FOXP1: variants seen among roughly 807,000 people sequenced by gnomAD.
FOXP1 encodes forkhead box P1, also known as forkhead box protein P1.
A neutral mutation model predicts 98.2 loss-of-function variants in FOXP1; 15 were observed. The ratio of observed to expected loss-of-function variants is 0.15; its 90% CI spans 0.10 to 0.24. FOXP1 has a LOEUF of 0.24. Among genes scored for constraint, FOXP1 ranks in the 10% least tolerant of loss-of-function variants. The pLI is 1.00. For synonymous variants in FOXP1, 371 were observed against 314.5 expected, an observed-to-expected ratio of 1.18 and a Z score of -1.90; for missense variants, 633 against 848.5, an observed-to-expected ratio of 0.75 and a Z score of 3.15.
intron 7 of FOXP1, among the ~76,000 whole-genome samples, chr3:71,108,759 C>T (rs940550157): frequency 2.5e-4 from 38 of 151,708 alleles, no homozygotes; most frequent in African/African-American, 9.0e-4. Flanking sequence ...AGCAAGACTC[C>T]ATCTCAAAAA....
chr3:71,323,965 A>G (rs2075539364), intron 4 of FOXP1, among the ~76,000 whole-genome samples: 1 of 152,136 alleles, frequency 6.6e-6, no homozygotes, highest in Non-Finnish European at 1.5e-5. Context: ...CTAATTAGTA[A>G]AAGGACAGGG....
chr3:71,303,444 C>T (rs2074016758), intron 4 of FOXP1, among the ~76,000 whole-genome samples: 1 of 152,108 alleles, frequency 6.6e-6, no homozygotes, highest in Non-Finnish European at 1.5e-5. Context: ...TCCCATACCC[C>T]CAAATCCTCC....
At chr3:71,370,343 G>C (rs779711280) in intron 3 of FOXP1, among the ~76,000 whole-genome samples, 39 of 152,202 alleles carry the variant, frequency 2.6e-4, no homozygotes, top group Admixed American at 2.4e-3. Flanking sequence ...GGAGAAAGGA[G>C]TGAGTTATTC....
intron 3 of FOXP1, among the ~76,000 whole-genome samples, chr3:71,379,413 A>G (rs1425257075): frequency 6.6e-6 from 1 of 152,156 alleles, no homozygotes; most frequent in Non-Finnish European, 1.5e-5. Flanking sequence ...TGCCTAACAC[A>G]TGTTAAAGTC....
chr3:71,424,888 G>T (rs1256726801), intron 3 of FOXP1, among the ~76,000 whole-genome samples: 1 of 152,124 alleles, frequency 6.6e-6, no homozygotes, highest in African/African-American at 2.4e-5. Flanking sequence ...GTGGGAGGAA[G>T]TCACAAGCCA....
chr3:71,540,501 TAATC>T (rs1285961697), intron 2 of FOXP1, among the ~76,000 whole-genome samples: 2 of 152,344 alleles, frequency 1.3e-5, no homozygotes, highest in Admixed American at 6.5e-5. Context: ...GGGTAACAGA[TAATC>T]AATTAAAATA....
At chr3:71,398,541 A>G (rs1054850441) in intron 3 of FOXP1, among the ~76,000 whole-genome samples, 66 of 152,318 alleles carry the variant, frequency 4.3e-4, no homozygotes, top group Non-Finnish European at 2.2e-4. Context: ...ACAATAAAAC[A>G]TGTGGCTCAT....
chr3:71,157,907 T>C (rs1459992558), intron 6 of FOXP1, among the ~76,000 whole-genome samples: 1 of 151,548 alleles, frequency 6.6e-6, no homozygotes, highest in East Asian at 2.0e-4. Flanking sequence ...GCCAACATGG[T>C]GAAACCTCAT....
At chr3:71,210,154 G>A (rs2064344656) in intron 5 of FOXP1, among the ~76,000 whole-genome samples, 1 of 152,212 alleles carries the variant, frequency 6.6e-6, no homozygotes, top group Non-Finnish European at 1.5e-5. Flanking sequence ...CAAAAATTGT[G>A]TTGGTCTGCC....
chr3:71,059,721 C>T (rs1331000351), intron 7 of FOXP1, among the ~76,000 whole-genome samples: 2 of 152,062 alleles, frequency 1.3e-5, no homozygotes, highest in Non-Finnish European at 2.9e-5. Flanking sequence ...ATATTAACAA[C>T]AACAACAAAA....
chr3:71,348,926 C>A (rs182458834), intron 4 of FOXP1, among the ~76,000 whole-genome samples: 8 of 152,120 alleles, frequency 5.3e-5, no homozygotes, highest in Non-Finnish European at 1.5e-5. Flanking sequence ...GACAAGAGAC[C>A]GGACTACAGA....
chr3:71,064,174 T>C (rs1367818517), intron 7 of FOXP1, among the ~76,000 whole-genome samples: 1 of 152,158 alleles, frequency 6.6e-6, no homozygotes, highest in African/African-American at 2.4e-5. Flanking sequence ...CCTGCTCCGG[T>C]GTGGGGCTCT....
At chr3:71,369,185 C>T (rs760387971) in intron 3 of FOXP1, among the ~76,000 whole-genome samples, 6 of 151,878 alleles carry the variant, frequency 4.0e-5, no homozygotes, top group Admixed American at 1.3e-4. Context: ...GTCAGGCGTT[C>T]GAGACCAGCC....
Position 71,123,127 on chromosome 3 carries a change from C to T in FOXP1, c.181-10490G>A, listed in dbSNP as rs557012514. 3.3e-5 allele frequency among the ~76,000 whole-genome samples: 5 copies of T among 152,276 alleles called. No individual in the cohort carries two copies. In the East Asian group the frequency reaches 9.6e-4, roughly 29 times the overall value. On this transcript the variant is annotated intron_variant, in intron 6 of 20. Coordinates refer to ENST00000649528, the MANE Select transcript of FOXP1 (RefSeq NM_001349338.3). The stretch of plus-strand genomic sequence containing the variant: ...CTGTTCTCTGCCCACATTTACATGG[C>T]ATCCAAGTATCTTCTTTCATCTAAA...
intron 3 of FOXP1, among the ~76,000 whole-genome samples, chr3:71,492,009 C>G (rs181871497): frequency 2.0e-5 from 3 of 152,058 alleles, no homozygotes; most frequent in Non-Finnish European, 1.5e-5. Context: ...ATGGTCCAGC[C>G]CAGACCAACC....
chr3:71,487,079 T>C (rs2090709784), intron 3 of FOXP1, among the ~76,000 whole-genome samples: 1 of 152,098 alleles, frequency 6.6e-6, no homozygotes, highest in Non-Finnish European at 1.5e-5. Flanking sequence ...TTCCTTGCTA[T>C]GTTAGAGCCT....
chr3:71,311,333 T>C (rs1232739099), intron 4 of FOXP1, among the ~76,000 whole-genome samples: 3 of 152,196 alleles, frequency 2.0e-5, no homozygotes, highest in African/African-American at 4.8e-5. Context: ...CAAGTGATCA[T>C]CCTGCCTTTG....
At chr3:71,001,106 AG>A (rs2042070338) in intron 12 of FOXP1, 47 bp from the exon 13 acceptor site, 1 of 1,437,354 alleles carries the variant, frequency 7.0e-7, no homozygotes, top group Non-Finnish European at 9.8e-7. Context: ...AGAAACAAAA[AG>A]GAAAATATAA....
At chr3:71,345,870 G>GTA (rs1170907365) in intron 4 of FOXP1, among the ~76,000 whole-genome samples, 305 of 9,038 alleles carry the variant, frequency 0.034, 4 homozygotes, top group African/African-American at 0.06. Context: ...TAAAGTTTTT[G>GTA]TAAAAAAAAA....
Sources: gnomAD v4.1 joint callset for allele counts (sites outside exome capture counted in the v4.1 genomes callset) on GRCh38, gnomAD v4.1.1 for gene constraint, MANE v1.5 for transcripts, NCBI Gene and HGNC (gene_info 2026-07-23, HGNC 2026-07-21) for gene names.